The following TMEM67 variants were observed in gnomAD, a reference collection of about 807,000 sequenced individuals.
The protein encoded by TMEM67 is transmembrane protein 67, also known as meckelin.
A neutral mutation model predicts 136.6 loss-of-function variants in TMEM67; 124 were observed. The observed-to-expected ratio is 0.91, with a 90% CI of 0.78 to 1.05. The LOEUF is 1.05. TMEM67 is among the 50% of genes least tolerant of loss of function. The pLI is 0.00. For missense variants in TMEM67, 1,107 were observed against 1,178.4 expected, an observed-to-expected ratio of 0.94 and a Z score of 0.89; for synonymous variants, 364 against 390.5, an observed-to-expected ratio of 0.93 and a Z score of 0.80.
At chr8:93,815,655 G>A (rs913885358) in intron 27 of TMEM67, among the ~76,000 whole-genome samples, 1 of 152,228 alleles carries the variant, frequency 6.6e-6, no homozygotes, top group African/African-American at 2.4e-5. Flanking sequence ...CTGGGGTCTA[G>A]TGGAGGGCAT....
chr8:93,756,040 T>A (rs1812558816), intron 2 of TMEM67, 174 bp downstream of exon 2: 2 of 504,836 alleles, frequency 4.0e-6, no homozygotes, highest in East Asian at 6.7e-5. Context: ...TCATGCAAAC[T>A]TGGAGAAAAC....
In TMEM67 at chr8:93,804,481, A is replaced by ATT. The variant is rs59657661; in HGVS notation, c.2323-262_2323-261dup. Among the ~76,000 whole-genome samples, 88 of 87,134 alleles carry ATT rather than the reference A, an allele frequency of 1.0e-3. 1 individual carries two copies. The highest frequency in any genetic ancestry group is 2.5e-3 in the African/African-American group (55 of 22,312). 57.2% of individuals were successfully genotyped at this position (87,134 alleles called of 152,430 possible). On this transcript the variant is annotated intron_variant, in intron 22 of 27. Coordinates refer to ENST00000453321, the MANE Select transcript of TMEM67 (RefSeq NM_153704.6). ...AGGTGTGCACCACCAACACTCAGCTATTTTTTTTTTTTTTTTTTTTGTAGA... is the reference window on the plus strand; with the variant it reads ...AGGTGTGCACCACCAACACTCAGCTATTTTTTTTTTTTTTTTTTTTTTGTAGA...
chr8:93,773,992 A>T (rs980435994), intron 7 of TMEM67, among the ~76,000 whole-genome samples: 2 of 152,068 alleles, frequency 1.3e-5, no homozygotes, highest in African/African-American at 2.4e-5. Flanking sequence ...AAAGAATAAT[A>T]AAAAAAATTA....
chr8:93,818,538 T>G (rs1808983202), downstream of TMEM67, among the ~76,000 whole-genome samples: 1 of 151,920 alleles, frequency 6.6e-6, no homozygotes, highest in Non-Finnish European at 1.5e-5. Flanking sequence ...GAAGCATGTG[T>G]TTTTTTTGTA....
At chr8:93,787,326 T>A (rs1026529871) in intron 13 of TMEM67, among the ~76,000 whole-genome samples, 2 of 152,104 alleles carry the variant, frequency 1.3e-5, no homozygotes, top group African/African-American at 4.8e-5. Context: ...CAGACTGGTC[T>A]TGAACTCCTG....
At position 93,780,819 on chromosome 8, in the gene TMEM67, C is replaced by A. The variant is rs1037853796; in HGVS notation, c.870-55C>A. ...GCAGTTATTAATATATTCACAAATA[C>A]TAATAATAAGAAATATTTATTCTCC... On this transcript the variant is annotated intron_variant, in intron 8 of 27. Transcript: ENST00000453321. The A allele has an allele frequency of 5.7e-6, 9 of 1,581,762 alleles. No homozygotes were observed. The East Asian group carries it at 1.1e-4, about 20-fold the overall frequency.
chr8:93,796,019 A>G (rs1445067603), intron 18 of TMEM67, 32 bp downstream of exon 18: 1 of 1,385,980 alleles, frequency 7.2e-7, no homozygotes, highest in Admixed American at 1.7e-5. Flanking sequence ...ACCAAATTTA[A>G]AAGGCCTGCT....
At position 93,817,171 on chromosome 8, in the gene TMEM67, ATTAC is replaced by A. The variant is rs1326712684; in HGVS notation, c.*723_*726del. 6.6e-6 allele frequency: 1 copy of A among 152,222 alleles called. No homozygotes were observed. The highest frequency in any genetic ancestry group is 2.4e-5 in the African/African-American group (1 of 41,458). 9.4% of individuals were successfully genotyped at this position (152,222 alleles called of 1,614,324 possible). Reference sequence around the variant, plus strand: ...CCAATATCATTTTTTATACATTTTAATTACTTAATGTTTTAAGAGTTCTCTTCCA... The same window carrying A: ...CCAATATCATTTTTTATACATTTTAATTAATGTTTTAAGAGTTCTCTTCCA... On this transcript the variant is annotated 3_prime_UTR_variant, in exon 28 of 28. Coordinates refer to ENST00000453321, the MANE Select transcript of TMEM67 (RefSeq NM_153704.6).
chr8:93,765,000 A>G (rs908152407), intron 4 of TMEM67, among the ~76,000 whole-genome samples: 1 of 152,212 alleles, frequency 6.6e-6, no homozygotes, highest in African/African-American at 2.4e-5. Flanking sequence ...CTAGAGATAC[A>G]TTTCTCTTCG....
Position 93,799,538 on chromosome 8 carries a change from G to T in TMEM67, c.2101-80G>T. Reference sequence around the variant, plus strand: ...ATTTTAGTTTTTCAAGGTGAGTAGGGAGAGGTTTTCTGTTTTCAGTCTAGA... The same window carrying T: ...ATTTTAGTTTTTCAAGGTGAGTAGGTAGAGGTTTTCTGTTTTCAGTCTAGA... On this transcript the variant is annotated intron_variant, in intron 20 of 27. Coordinates refer to ENST00000453321, the MANE Select transcript of TMEM67 (RefSeq NM_153704.6). 2.1e-6 allele frequency: 3 copies of T among 1,405,364 alleles called. No individual in the cohort carries two copies. The South Asian group carries it at 3.6e-5, about 17-fold the overall frequency. The allele number at this position is 1,405,364 out of a possible 1,614,324, so 87.1% of individuals were successfully genotyped here.
intron 3 of TMEM67, chr8:93,759,883 A>C: frequency 9.4e-7 from 1 of 1,058,512 alleles, no homozygotes; most frequent in Non-Finnish European, 1.4e-6. Context: ...TTCCGACCTC[A>C]GGTGATCTGC....
chr8:93,825,526 C>A, the TMEM67 span, among the ~76,000 whole-genome samples: 3 of 152,016 alleles, frequency 2.0e-5, no homozygotes, highest in African/African-American at 7.2e-5. Flanking sequence ...GTGATCAGGA[C>A]GGTGAAGGAT....
chr8:93,786,340 C>T lies in TMEM67; in HGVS notation c.1406C>T (p.Ser469Leu). 6.2e-7 allele frequency: 1 copy of T among 1,613,796 alleles called. No homozygotes were observed. Among genetic ancestry groups the T allele is most frequent in the Non-Finnish European group, 8.5e-7 (1 of 1,179,872 alleles). ...GTAATTCGAGTTGCTACTCAAATATCACTGAGGTAAACAAATGTCTAATGA... is the reference window on the plus strand; with the variant it reads ...GTAATTCGAGTTGCTACTCAAATATTACTGAGGTAAACAAATGTCTAATGA... Reference protein sequence around the residue: ...PRVIRVATQISLSVHLVPNTI... With the variant: ...PRVIRVATQILLSVHLVPNTI... The change falls in exon 13 of 28, where the codon TCA (serine) becomes TTA (leucine). Residue 469 changes from serine (S) to leucine (L), a missense_variant. Ser to Leu is a moderately radical substitution (Grantham distance 145). Around this residue, in one of 3 missense-constraint regions of TMEM67, gnomAD observed 925 missense variants for 1,002.4 expected, o/e 0.92. Transcript: ENST00000453321.
chr8:93,819,037 G>A (rs777483602), downstream of TMEM67: 2 of 446,144 alleles, frequency 4.5e-6, no homozygotes, highest in Admixed American at 2.5e-5. Context: ...ACTCCTGATC[G>A]AGAGATTCAC....
chr8:93,764,221 G>T (rs773315758), intron 4 of TMEM67, among the ~76,000 whole-genome samples: 22 of 152,248 alleles, frequency 1.4e-4, no homozygotes, highest in Admixed American at 2.0e-4. Context: ...TTCATAGGCT[G>T]TAATGGCTCA....
chr8:93,764,356 A>G lies in TMEM67; in HGVS notation c.506+415A>G, dbSNP rs1231238885. Reference sequence around the variant, plus strand: ...TTTGTATATAATCTGTAATATAATTATGTGCTAAGTACTGTACTAAAGCCC... The same window carrying G: ...TTTGTATATAATCTGTAATATAATTGTGTGCTAAGTACTGTACTAAAGCCC... On this transcript the variant is annotated intron_variant, in intron 4 of 27. Coordinates refer to ENST00000453321, the MANE Select transcript of TMEM67 (RefSeq NM_153704.6). 2.0e-5 allele frequency among the ~76,000 whole-genome samples: 3 copies of G among 152,216 alleles called. No homozygotes were observed. The East Asian group carries it at 5.8e-4, about 29-fold the overall frequency.
chr8:93,792,120 C>G (rs113280629), intron 15 of TMEM67: 2 of 152,322 alleles, frequency 1.3e-5, no homozygotes, highest in African/African-American at 4.8e-5. Context: ...CCTCAGCCTC[C>G]CAAAGTGCTG....
intron 7 of TMEM67, among the ~76,000 whole-genome samples, chr8:93,773,488 T>G (rs1813410103): frequency 6.6e-6 from 1 of 151,980 alleles, no homozygotes; most frequent in South Asian, 2.1e-4. Flanking sequence ...GTAATCTGAG[T>G]GAGAGATAGT....
chr8:93,799,868 AAAGAAGGTGAC>A, intron 21 of TMEM67, 110 bp downstream of exon 21: 1 of 955,022 alleles, frequency 1.0e-6, no homozygotes, highest in Non-Finnish European at 1.7e-6. Context: ...TCTGTAGCAG[AAAGAAGGTGAC>A]AAGAACAATA....
Sources: gnomAD v4.1 joint callset for allele counts (sites outside exome capture counted in the v4.1 genomes callset) on GRCh38, gnomAD v4.1.1 for gene constraint, gnomAD v4.1.1 regional missense constraint, MANE v1.5 for transcripts, NCBI Gene and HGNC (gene_info 2026-07-23, HGNC 2026-07-21) for gene names.